The following GRIK3 variants were observed in gnomAD, a reference collection of about 807,000 sequenced individuals.
GRIK3 encodes the protein glutamate receptor ionotropic, kainate 3.
GRIK3 carries 29 observed loss-of-function variants against 102.5 expected under a neutral mutation model. The ratio of observed to expected loss-of-function variants is 0.28; its 90% confidence interval spans 0.21 to 0.39. The LOEUF is 0.39. Among genes scored for constraint, GRIK3 ranks in the 10% least tolerant of loss-of-function variants. The pLI is 1.00. For synonymous variants in GRIK3, 511 were observed against 504.9 expected (o/e 1.01, Z -0.16); for missense variants, 908 against 1,252.4 (o/e 0.73, Z 4.15).
intron 1 of GRIK3, among the ~76,000 whole-genome samples, chr1:36,985,900 T>C (rs1476464801): frequency 6.6e-6 from 1 of 152,044 alleles, no homozygotes. Flanking sequence ...CAATGAAGGG[T>C]GAGTGTGGCC....
At chr1:37,021,128 G>GTC (rs1642708702) in intron 1 of GRIK3, among the ~76,000 whole-genome samples, 2 of 42,896 alleles carry the variant, frequency 4.7e-5, no homozygotes, top group Non-Finnish European at 1.0e-4. Context: ...GTGTGTCTGT[G>GTC]AGAGAGAGAG....
At chr1:36,993,577 A>C (rs1642384896) in intron 1 of GRIK3, among the ~76,000 whole-genome samples, 1 of 152,254 alleles carries the variant, frequency 6.6e-6, no homozygotes, top group Non-Finnish European at 1.5e-5. Flanking sequence ...GCTCTGATGG[A>C]CATTAATATG....
intron 1 of GRIK3, among the ~76,000 whole-genome samples, chr1:36,995,832 C>A (rs1254744216): frequency 6.6e-6 from 1 of 152,202 alleles, no homozygotes. Context: ...CCTTCCCAGA[C>A]CTCACAAACA....
chr1:37,000,596 G>A (rs1642467382), intron 1 of GRIK3, among the ~76,000 whole-genome samples: 1 of 152,160 alleles, frequency 6.6e-6, no homozygotes, highest in Non-Finnish European at 1.5e-5. Context: ...ATCATTCAAT[G>A]CCTACAACTA....
chr1:36,807,376 C>G (rs1642513191), intron 13 of GRIK3, among the ~76,000 whole-genome samples: 1 of 152,142 alleles, frequency 6.6e-6, no homozygotes, highest in Non-Finnish European at 1.5e-5. Context: ...AGGGATCAGC[C>G]CTGTCCTGGC....
In GRIK3 at chr1:36,797,362, A is replaced by G. The variant is rs1377692149; in HGVS notation, c.*4489T>C. ...GTACAGAACATTAACCTTCTACCTA[A>G]AAGTTTTGTGACTCACGTATGACCT... On this transcript the variant is annotated 3_prime_UTR_variant, in exon 16 of 16. Coordinates refer to ENST00000373091, the MANE Select transcript of GRIK3 (RefSeq NM_000831.4). The G allele has an allele frequency of 6.6e-6, 1 of 151,914 alleles. No individual in the cohort carries two copies. The highest frequency in any genetic ancestry group is 1.5e-5 in the Non-Finnish European group (1 of 67,984). 9.4% of individuals were successfully genotyped at this position (151,914 alleles called of 1,614,324 possible). A position where few individuals can be genotyped will look rare whatever the true frequency, so the allele number is the denominator to read the frequency against.
At position 36,833,283 on chromosome 1, in the gene GRIK3, G is replaced by A. The variant is rs79821251; in HGVS notation, c.1531-7457C>T. On this transcript the variant is annotated intron_variant, in intron 10 of 15. Coordinates refer to ENST00000373091, the MANE Select transcript of GRIK3 (RefSeq NM_000831.4). ...TGCCTGCCTCTCTCCAGAGTTTAGAGCCTGCTGCTTGTGCCCTGGCCCCGG... is the reference window on the plus strand; with the variant it reads ...TGCCTGCCTCTCTCCAGAGTTTAGAACCTGCTGCTTGTGCCCTGGCCCCGG... 2.0e-5 allele frequency among the ~76,000 whole-genome samples: 3 copies of A among 152,242 alleles called. No homozygotes were observed. The East Asian group carries it at 5.8e-4, about 29-fold the overall frequency.
At chr1:36,867,803 C>A (rs1041744027) in intron 5 of GRIK3, among the ~76,000 whole-genome samples, 4 of 152,170 alleles carry the variant, frequency 2.6e-5, no homozygotes, top group Non-Finnish European at 4.4e-5. Flanking sequence ...TGTGATTAAA[C>A]CCCCTCTGGG....
chr1:36,900,046 C>T (rs544247248), intron 1 of GRIK3, among the ~76,000 whole-genome samples: 3 of 152,330 alleles, frequency 2.0e-5, no homozygotes, highest in South Asian at 4.1e-4. Context: ...CTCAGTGAAT[C>T]AGACGTAATG....
At position 36,961,269 on chromosome 1, in the gene GRIK3, C is replaced by T. The variant is rs1424151352; in HGVS notation, c.116-70173G>A. Among the ~76,000 whole-genome samples, 31 of 152,238 alleles carry T rather than the reference C, an allele frequency of 2.0e-4. 1 individual carries two copies. The highest frequency in any genetic ancestry group is 2.9e-5 in the Non-Finnish European group (2 of 68,044). On this transcript the variant is annotated intron_variant, in intron 1 of 15. Transcript: ENST00000373091. Reference sequence around the variant, plus strand: ...CTCCACAATCCTGCCTGGCTCAGGCCCAGGCTAGGGGTGAAGGGGCATACG... The same window carrying T: ...CTCCACAATCCTGCCTGGCTCAGGCTCAGGCTAGGGGTGAAGGGGCATACG...
chr1:36,898,947 A>C (rs1055183297), intron 1 of GRIK3, among the ~76,000 whole-genome samples: 33 of 152,224 alleles, frequency 2.2e-4, no homozygotes, highest in Non-Finnish European at 5.9e-5. Context: ...TAGTCTTTTC[A>C]ACAAATAATG....
intron 15 of GRIK3, 182 bp downstream of exon 15, chr1:36,804,805 G>T: frequency 2.7e-6 from 2 of 742,828 alleles, no homozygotes; most frequent in Admixed American, 5.8e-5. Context: ...GGGCAACGGC[G>T]ATGGAAAAAA....
At chr1:36,945,429 G>T (rs1004647051) in intron 1 of GRIK3, among the ~76,000 whole-genome samples, 2 of 152,140 alleles carry the variant, frequency 1.3e-5, no homozygotes, top group South Asian at 2.1e-4. Flanking sequence ...TCTGGGTTTC[G>T]GCCAGGGAAT....
rs1206596663 is a variant in GRIK3 at position 36,859,769 on chromosome 1, A to G, written c.960+75T>C. ...GAGAAGTGGTGGAGGGAAGAAAGAAACAAGAGGAAGGAGAGAAGAAAAGAA... is the reference window on the plus strand; with the variant it reads ...GAGAAGTGGTGGAGGGAAGAAAGAAGCAAGAGGAAGGAGAGAAGAAAAGAA... On this transcript the variant is annotated intron_variant, in intron 6 of 15. Transcript: ENST00000373091. 19 of 1,188,896 alleles carry G rather than the reference A, an allele frequency of 1.6e-5. No individual in the cohort carries two copies. The East Asian group carries it at 4.2e-4, about 26-fold the overall frequency. 73.6% of individuals were successfully genotyped at this position (1,188,896 alleles called of 1,614,324 possible).
Position 36,872,084 on chromosome 1 carries a change from T to G in GRIK3, c.732+104A>C. ...AGCAGGAAAGTGGCAGAGCTAGGAGTCAAACTTAGATCTGGCAGCATCACA... is the reference window on the plus strand; with the variant it reads ...AGCAGGAAAGTGGCAGAGCTAGGAGGCAAACTTAGATCTGGCAGCATCACA... On this transcript the variant is annotated intron_variant, in intron 4 of 15. Coordinates refer to ENST00000373091, the MANE Select transcript of GRIK3 (RefSeq NM_000831.4). This position sits in a 1 kb window ranked among gnomAD's most constrained non-coding sequence, Gnocchi z 5.9. 8.9e-7 allele frequency: 1 copy of G among 1,119,050 alleles called. No individual in the cohort carries two copies. Among genetic ancestry groups the G allele is most frequent in the African/African-American group, 1.6e-5 (1 of 63,028 alleles). 69.3% of individuals were successfully genotyped at this position (1,119,050 alleles called of 1,614,324 possible).
At chr1:36,873,549 G>A (rs1183238692) in intron 3 of GRIK3, among the ~76,000 whole-genome samples, 1 of 152,062 alleles carries the variant, frequency 6.6e-6, no homozygotes, top group Non-Finnish European at 1.5e-5. Context: ...GTCCCAAGAG[G>A]GCCATCCCCT....
intron 1 of GRIK3, among the ~76,000 whole-genome samples, chr1:36,996,472 A>G (rs1450426532): frequency 6.6e-6 from 1 of 152,192 alleles, no homozygotes; most frequent in Non-Finnish European, 1.5e-5. Context: ...TCTCAGTGCC[A>G]AAACCGGGAC....
chr1:36,891,493 G>C (rs2124273450), intron 1 of GRIK3, among the ~76,000 whole-genome samples: 1 of 152,192 alleles, frequency 6.6e-6, no homozygotes, highest in African/African-American at 2.4e-5. Flanking sequence ...CACATCAATA[G>C]TTCAAATAAG....
chr1:36,975,288 G>GTTTTTTTT (rs61125066), intron 1 of GRIK3, among the ~76,000 whole-genome samples: 1,492 of 113,230 alleles, frequency 0.013, 143 homozygotes, highest in African/African-American at 0.047. Flanking sequence ...TCTAAAGTTG[G>GTTTTTTTT]TTTTTTTTTT....
Sources: allele counts gnomAD v4.1 joint callset (sites outside exome capture counted in the v4.1 genomes callset), GRCh38; gene constraint gnomAD v4.1.1; non-coding constraint Gnocchi (gnomAD v3.1); transcripts MANE v1.5; gene names NCBI Gene and HGNC (gene_info 2026-07-23, HGNC 2026-07-21).